Variants in SLC30A6 observed in about 807,000 individuals in gnomAD.
SLC30A6 encodes solute carrier family 30 member 6.
A neutral mutation model predicts 63.0 loss-of-function variants in SLC30A6; 55 were observed. That is an observed-to-expected ratio of 0.87 (90% CI 0.70 to 1.09). The LOEUF is 1.09. SLC30A6 is among the 50% of genes least tolerant of loss of function. The pLI, the probability that SLC30A6 is intolerant of heterozygous loss-of-function variation, is 0.00. For missense variants in SLC30A6, 587 were observed against 549.2 expected (o/e 1.07, Z -0.69); for synonymous variants, 224 against 186.1 (o/e 1.20, Z -1.66).
intron 4 of SLC30A6, among the ~76,000 whole-genome samples, chr2:32,179,125 G>A (rs187344009): frequency 6.6e-5 from 10 of 152,294 alleles, no homozygotes; most frequent in South Asian, 2.1e-4. Context: ...CTCCCAAAGC[G>A]TTGGGATTAC....
chr2:32,204,746 G>A, intron 11 of SLC30A6, 54 bp downstream of exon 11: 1 of 1,073,782 alleles, frequency 9.3e-7, no homozygotes, highest in Non-Finnish European at 1.4e-6. Context: ...TCTTCTACCA[G>A]ATTAAAAAGT....
chr2:32,209,769 G>A (rs1037604077), intron 13 of SLC30A6, among the ~76,000 whole-genome samples: 2 of 151,842 alleles, frequency 1.3e-5, no homozygotes, highest in Admixed American at 6.6e-5. Context: ...GCCCAGGCTG[G>A]TGTTGAACTC....
chr2:32,178,686 AAAC>A (rs966929639), intron 4 of SLC30A6, among the ~76,000 whole-genome samples: 1 of 152,134 alleles, frequency 6.6e-6, no homozygotes, highest in Non-Finnish European at 1.5e-5. Flanking sequence ...TCAAAAAACA[AAAC>A]AACAACAACA....
chr2:32,167,750 A>G (rs1045024497), intron 1 of SLC30A6, among the ~76,000 whole-genome samples: 2 of 152,188 alleles, frequency 1.3e-5, no homozygotes, highest in Non-Finnish European at 2.9e-5. Flanking sequence ...TATAATACTG[A>G]TGATTTGAAG....
At chr2:32,166,032 G>T (rs769992419) in intron 1 of SLC30A6, 129 bp downstream of exon 1, 124 of 1,341,134 alleles carry the variant, frequency 9.2e-5, no homozygotes, top group Non-Finnish European at 1.2e-4. Context: ...CGGGCCCCTT[G>T]GCAGGAGCGG....
chr2:32,182,663 G>T (rs528266945), intron 4 of SLC30A6, among the ~76,000 whole-genome samples: 1 of 152,120 alleles, frequency 6.6e-6, no homozygotes, highest in African/African-American at 2.4e-5. Flanking sequence ...GTAGGTCAGC[G>T]TTCCCTACTC....
chr2:32,214,496 C>T (rs1416903627), intron 13 of SLC30A6: 1 of 152,080 alleles, frequency 6.6e-6, no homozygotes, highest in East Asian at 1.9e-4. Context: ...GTCATCTTTG[C>T]ACAGAGGCCA....
Position 32,206,883 on chromosome 2 carries a change from C to T in SLC30A6, c.769-3C>T, listed in dbSNP as rs776999523. Reference sequence around the variant, plus strand: ...ATTCATATTTTATTGTATTTTTCCCCAGACAACACCACCCCATGTTATTGG... The same window carrying T: ...ATTCATATTTTATTGTATTTTTCCCTAGACAACACCACCCCATGTTATTGG... On this transcript the variant is annotated splice_region_variant and splice_polypyrimidine_tract_variant and intron_variant, in intron 11 of 13. Coordinates refer to ENST00000282587, the MANE Select transcript of SLC30A6 (RefSeq NM_017964.5). The T allele has an allele frequency of 2.0e-5, 33 of 1,610,866 alleles. No individual in the cohort carries two copies. The highest frequency in any genetic ancestry group is 2.6e-5 in the Non-Finnish European group (31 of 1,177,384).
intron 13 of SLC30A6, among the ~76,000 whole-genome samples, chr2:32,211,612 CT>C (rs1363568350): frequency 3.3e-4 from 48 of 146,062 alleles, no homozygotes; most frequent in Middle Eastern, 3.6e-3. Flanking sequence ...ACCCTTTCTT[CT>C]TTTTTTTTTT....
chr2:32,199,982 A>G (rs1349050197), intron 10 of SLC30A6, among the ~76,000 whole-genome samples: 1 of 151,954 alleles, frequency 6.6e-6, no homozygotes, highest in African/African-American at 2.4e-5. Context: ...GGGCGTGGTG[A>G]TGCACACCTG....
At position 32,165,889 on chromosome 2, in the gene SLC30A6, C is replaced by T. The variant is rs993832885; in HGVS notation, c.-12C>T. ...AGAACGGCTTCCGGCGGGAGCTGTG[C>T]AGCTCCTTATCATGGTGAGTTGGCT... is the stretch of plus-strand genomic sequence containing the variant. On this transcript the variant is annotated 5_prime_UTR_variant, in exon 1 of 14. Transcript: ENST00000282587. 9 of 1,613,996 alleles carry T rather than the reference C, an allele frequency of 5.6e-6. No individual in the cohort carries two copies. The highest frequency in any genetic ancestry group is 5.0e-5 in the Admixed American group (3 of 60,010).
rs754705165 is a variant in SLC30A6, at chr2:32,204,739, T to C, written c.768+47T>C. 18 of 1,163,968 alleles carry C rather than the reference T, an allele frequency of 1.5e-5. No homozygotes were observed. The South Asian group carries it at 2.5e-4, about 16-fold the overall frequency. 72.1% of individuals were successfully genotyped at this position (1,163,968 alleles called of 1,614,324 possible). On this transcript the variant is annotated intron_variant, in intron 11 of 13. Transcript: ENST00000282587. Reference sequence around the variant, plus strand: ...ACGTGCTTAATATTAGCCATGTTCTTCTACCAGATTAAAAAGTTGTATGTG... The same window carrying C: ...ACGTGCTTAATATTAGCCATGTTCTCCTACCAGATTAAAAAGTTGTATGTG...
intron 5 of SLC30A6, among the ~76,000 whole-genome samples, chr2:32,189,561 T>G: frequency 6.8e-6 from 1 of 146,468 alleles, no homozygotes; most frequent in Admixed American, 7.0e-5. Context: ...CCTCCCAAAG[T>G]GCTGGGATTA....
intron 5 of SLC30A6, among the ~76,000 whole-genome samples, chr2:32,192,110 C>G (rs1287178736): frequency 6.6e-6 from 1 of 151,234 alleles, no homozygotes. Context: ...AAGGTGCTCT[C>G]TCTTCTGAGT....
rs560971757 is a variant in SLC30A6, at chr2:32,192,018, A to T, written c.285-318A>T. Among the ~76,000 whole-genome samples, 13 of 151,898 alleles carry T rather than the reference A, an allele frequency of 8.6e-5. No individual in the cohort carries two copies. In the South Asian group the frequency reaches 2.7e-3, roughly 32 times the overall value. On this transcript the variant is annotated intron_variant, in intron 5 of 13. Transcript: ENST00000282587. ...TTATTTCTAGAAAATAAGGACTATA[A>T]TTGGGTCCTGGTAATTGTCTTTTTT...
chr2:32,175,266 A>AT (rs1278935596), intron 3 of SLC30A6, 53 bp from the exon 4 acceptor site: 24 of 1,562,966 alleles, frequency 1.5e-5, no homozygotes, highest in Non-Finnish European at 1.8e-5. Flanking sequence ...AACTTGCTGT[A>AT]TTTTTTTAGA....
At chr2:32,193,855 A>G (rs756975334) in intron 7 of SLC30A6, 34 bp from the exon 8 acceptor site, 1 of 1,549,992 alleles carries the variant, frequency 6.5e-7, no homozygotes, top group Non-Finnish European at 8.9e-7. Flanking sequence ...ACCAAGAACA[A>G]ATTAAAGGTG....
intron 11 of SLC30A6, among the ~76,000 whole-genome samples, chr2:32,206,670 TTTATC>T (rs894320536): frequency 2.0e-5 from 3 of 152,184 alleles, no homozygotes; most frequent in Non-Finnish European, 2.9e-5. Context: ...TATTTATCTT[TTTATC>T]TTATCTTCAA....
At position 32,221,812 on chromosome 2, in the gene SLC30A6, C is replaced by A. The variant is rs1686161349; in HGVS notation, c.*1099C>A. 6.6e-6 allele frequency: 1 copy of A among 152,150 alleles called. No individual in the cohort carries two copies. The highest frequency in any genetic ancestry group is 2.4e-5 in the African/African-American group (1 of 41,432). The allele number at this position is 152,150 out of a possible 1,614,324, so 9.4% of individuals were successfully genotyped here. On this transcript the variant is annotated 3_prime_UTR_variant, in exon 14 of 14. Coordinates refer to ENST00000282587, the MANE Select transcript of SLC30A6 (RefSeq NM_017964.5). ...TTTTGGTGATATGCAGTGAAAGAAT[C>A]CCAATTTTCTATGTTACATTTAATC...
Sources: allele counts gnomAD v4.1 joint callset (sites outside exome capture counted in the v4.1 genomes callset), GRCh38; gene constraint gnomAD v4.1.1; transcripts MANE v1.5; gene names NCBI Gene and HGNC (gene_info 2026-07-23, HGNC 2026-07-21).